CNTNAP2: variants seen among roughly 807,000 people sequenced by gnomAD.
CNTNAP2 encodes contactin associated protein 2.
CNTNAP2 carries 98 observed loss-of-function variants against 155.2 expected under a neutral mutation model. The observed-to-expected ratio is 0.63, with a 90% confidence interval of 0.54 to 0.75. The LOEUF is 0.75. Among genes scored for constraint, CNTNAP2 ranks in the 30% least tolerant of loss-of-function variants. CNTNAP2 has a pLI of 0.00. For synonymous variants in CNTNAP2, 651 were observed against 631.2 expected (o/e 1.03, Z -0.47); for missense variants, 1,727 against 1,688.1 (o/e 1.02, Z -0.40).
chr7:148,133,010 T>C (rs890883144), intron 16 of CNTNAP2, among the ~76,000 whole-genome samples: 3 of 152,226 alleles, frequency 2.0e-5, no homozygotes, highest in Non-Finnish European at 4.4e-5. Context: ...TCATCCCTGA[T>C]GAACATCCTC....
Position 148,061,970 on chromosome 7 carries a change from G to GATAGATAAACAGAT in CNTNAP2, c.2384-56141_2384-56140insAACAGATATAGATA, listed in dbSNP as rs1803155676. On this transcript the variant is annotated intron_variant, in intron 15 of 23. Coordinates refer to ENST00000361727, the MANE Select transcript of CNTNAP2 (RefSeq NM_014141.6). ...ATAAACAGATATAGATAGATAGATA[G>GATAGATAAACAGAT]ATAGATAGATAGATAGATAGATAGA... Among the ~76,000 whole-genome samples the GATAGATAAACAGAT allele has an allele frequency of 7.1e-5, 9 of 126,046 alleles. 1 individual carries two copies. The highest frequency in any genetic ancestry group is 3.4e-4 in the African/African-American group (9 of 26,244). 82.7% of individuals were successfully genotyped at this position (126,046 alleles called of 152,430 possible).
chr7:146,408,751 A>G (rs938874622), intron 1 of CNTNAP2, among the ~76,000 whole-genome samples: 2 of 152,154 alleles, frequency 1.3e-5, no homozygotes, highest in Admixed American at 6.5e-5. Flanking sequence ...GTGCACATGT[A>G]CCCTAGAACT....
At chr7:146,665,799 T>TAAAAAAAAAAAAAAAAAAAA (rs1800183537) in intron 1 of CNTNAP2, among the ~76,000 whole-genome samples, 1 of 94,140 alleles carries the variant, frequency 1.1e-5, no homozygotes, top group African/African-American at 4.8e-5. Context: ...AAAAAAAAAA[T>TAAAAAAAAAAAAAAAAAAAA]ACATTTTGTA....
At chr7:147,286,250 G>A (rs1036508365) in intron 8 of CNTNAP2, among the ~76,000 whole-genome samples, 2 of 151,818 alleles carry the variant, frequency 1.3e-5, no homozygotes, top group Non-Finnish European at 2.9e-5. Flanking sequence ...ACATATATGG[G>A]ACAAAAATAA....
chr7:148,106,401 T>C (rs1377015239), intron 15 of CNTNAP2, among the ~76,000 whole-genome samples: 1 of 150,980 alleles, frequency 6.6e-6, no homozygotes, highest in Non-Finnish European at 1.5e-5. Context: ...AAAGCATAAA[T>C]ATTCATCCCT....
At chr7:146,368,361 T>C (rs996003920) in intron 1 of CNTNAP2, among the ~76,000 whole-genome samples, 1 of 152,120 alleles carries the variant, frequency 6.6e-6, no homozygotes, top group Non-Finnish European at 1.5e-5. Context: ...CTGGAAAATA[T>C]ATGCAATGAA....
intron 8 of CNTNAP2, among the ~76,000 whole-genome samples, chr7:147,185,310 TTTAGCATTATCAAATAAAG>T (rs1398717003): frequency 1.3e-5 from 2 of 152,136 alleles, no homozygotes; most frequent in Non-Finnish European, 2.9e-5. Flanking sequence ...TAGATAATTA[TTTAGCATTATCAAATAAAG>T]TTGAGCTTGC....
intron 1 of CNTNAP2, among the ~76,000 whole-genome samples, chr7:146,442,133 A>G (rs1796328566): frequency 6.6e-6 from 1 of 151,644 alleles, no homozygotes; most frequent in African/African-American, 2.4e-5. Flanking sequence ...CAAAGAGTAT[A>G]TATATTTCAA....
chr7:148,276,398 G>A (rs1796870747), intron 21 of CNTNAP2, among the ~76,000 whole-genome samples: 1 of 152,210 alleles, frequency 6.6e-6, no homozygotes, highest in South Asian at 2.1e-4. Flanking sequence ...TGCGAGACAT[G>A]CCTCCGAGTG....
intron 8 of CNTNAP2, among the ~76,000 whole-genome samples, chr7:147,199,313 C>T (rs1322764049): frequency 6.6e-6 from 1 of 152,104 alleles, no homozygotes; most frequent in African/African-American, 2.4e-5. Context: ...TACAGGTTCT[C>T]CTCACAGTCT....
chr7:147,302,832 C>T (rs1408676595), intron 9 of CNTNAP2, among the ~76,000 whole-genome samples: 1 of 152,206 alleles, frequency 6.6e-6, no homozygotes, highest in Non-Finnish European at 1.5e-5. Flanking sequence ...AGGGAAGTCA[C>T]AGGACAAGTT....
chr7:146,947,406 CTCTCTATATA>C lies in CNTNAP2; in HGVS notation c.403-96499_403-96490del, dbSNP rs1329807386. On this transcript the variant is annotated intron_variant, in intron 3 of 23. Coordinates refer to ENST00000361727, the MANE Select transcript of CNTNAP2 (RefSeq NM_014141.6). Reference sequence around the variant, plus strand: ...TCTTTCTCTCTCTCTCTCTCTCTCTCTCTCTATATATATATATATATATACATACACACAC... The same window carrying C: ...TCTTTCTCTCTCTCTCTCTCTCTCTCTATATATATATATACATACACACAC... Among the ~76,000 whole-genome samples the C allele has an allele frequency of 6.6e-3, 875 of 131,960 alleles. 9 individuals are homozygous for C. Among genetic ancestry groups the C allele is most frequent in the African/African-American group, 0.024 (815 of 33,656 alleles). The allele number at this position is 131,960 out of a possible 152,430, so 86.6% of individuals were successfully genotyped here. A position where few individuals can be genotyped will look rare whatever the true frequency, so the allele number is the denominator to read the frequency against.
At chr7:147,673,917 T>A (rs534046017) in intron 13 of CNTNAP2, among the ~76,000 whole-genome samples, 53 of 152,210 alleles carry the variant, frequency 3.5e-4, no homozygotes, top group Middle Eastern at 3.4e-3. Context: ...CAAAAATCAG[T>A]GGGGCTTTTT....
At chr7:148,382,713 C>T (rs1316663912) in intron 21 of CNTNAP2, among the ~76,000 whole-genome samples, 1 of 152,184 alleles carries the variant, frequency 6.6e-6, no homozygotes, top group Non-Finnish European at 1.5e-5. Flanking sequence ...TGATGCGGCA[C>T]TTGCTCAGAG....
chr7:147,852,307 A>T lies in CNTNAP2; in HGVS notation c.2099-51258A>T, dbSNP rs189116372. On this transcript the variant is annotated intron_variant, in intron 13 of 23. Coordinates refer to ENST00000361727, the MANE Select transcript of CNTNAP2 (RefSeq NM_014141.6). The stretch of plus-strand genomic sequence containing the variant: ...TCCATCCACTCTTCCTATTTTGCAA[A>T]CTACAATTACAGAGGAGGTATGAAT... Among the ~76,000 whole-genome samples, 361 of 152,304 alleles carry T rather than the reference A, an allele frequency of 2.4e-3. 1 individual carries two copies. Among genetic ancestry groups the T allele is most frequent in the African/African-American group, 8.4e-3 (348 of 41,562 alleles).
chr7:146,943,361 A>G (rs941607841), intron 3 of CNTNAP2, among the ~76,000 whole-genome samples: 10 of 152,056 alleles, frequency 6.6e-5, no homozygotes, highest in Admixed American at 3.9e-4. Flanking sequence ...GTGTGGTGGC[A>G]TGCACCTGGA....
intron 13 of CNTNAP2, among the ~76,000 whole-genome samples, chr7:147,828,271 G>A (rs960288304): frequency 1.3e-5 from 2 of 152,156 alleles, no homozygotes; most frequent in Non-Finnish European, 2.9e-5. Context: ...ACAGATTGTA[G>A]GGAGCAGACA....
At chr7:146,573,073 C>T (rs562008914) in intron 1 of CNTNAP2, among the ~76,000 whole-genome samples, 45 of 152,200 alleles carry the variant, frequency 3.0e-4, no homozygotes, top group Middle Eastern at 6.8e-3. Flanking sequence ...TTGGGTCCTT[C>T]GATTTCTCCA....
intron 18 of CNTNAP2, among the ~76,000 whole-genome samples, chr7:148,173,931 A>G (rs1362816910): frequency 2.0e-5 from 3 of 152,216 alleles, no homozygotes; most frequent in African/African-American, 7.2e-5. Context: ...TTGGAGAGTT[A>G]GGTTAAACAC....
Sources: allele counts gnomAD v4.1 joint callset (sites outside exome capture counted in the v4.1 genomes callset), GRCh38; gene constraint gnomAD v4.1.1; transcripts MANE v1.5; gene names NCBI Gene and HGNC (gene_info 2026-07-23, HGNC 2026-07-21).